The following KCNMA1 variants were observed in gnomAD, a reference collection of about 807,000 sequenced individuals.
KCNMA1 encodes the protein Calcium-activated potassium channel subunit alpha-1.
A neutral mutation model predicts 140.0 loss-of-function variants in KCNMA1; 29 were observed. That is an observed-to-expected ratio of 0.21 (90% CI 0.15 to 0.28). KCNMA1 has a LOEUF of 0.28. Ranked by LOEUF, KCNMA1 falls within the 10% of genes least tolerant of loss-of-function variation. The pLI, the probability that KCNMA1 is intolerant of heterozygous loss-of-function variation, is 1.00. For synonymous variants in KCNMA1, 612 were observed against 611.9 expected (o/e 1.00, Z 0.00); for missense variants, 880 against 1,602.2 (o/e 0.55, Z 7.70).
chr10:77,511,429 T>C (rs1459489877), intron 1 of KCNMA1, among the ~76,000 whole-genome samples: 1 of 152,220 alleles, frequency 6.6e-6, no homozygotes, highest in Admixed American at 6.5e-5. Context: ...TTCATAGTAG[T>C]TAAGAAAATG....
chr10:77,482,255 G>A (rs891501467), intron 1 of KCNMA1, among the ~76,000 whole-genome samples: 1 of 152,262 alleles, frequency 6.6e-6, no homozygotes, highest in Non-Finnish European at 1.5e-5. Context: ...GCTCCACAGG[G>A]CTCTGCTCAG....
intron 1 of KCNMA1, among the ~76,000 whole-genome samples, chr10:77,568,512 A>G (rs1245793035): frequency 6.6e-6 from 1 of 152,050 alleles, no homozygotes; most frequent in Non-Finnish European, 1.5e-5. Flanking sequence ...GATGCAGAAA[A>G]GGCCTTTGAC....
intron 1 of KCNMA1, among the ~76,000 whole-genome samples, chr10:77,561,630 CA>C (rs1460653702): frequency 1.3e-5 from 2 of 152,084 alleles, no homozygotes; most frequent in Non-Finnish European, 2.9e-5. Context: ...CCACGTACAC[CA>C]GAGGGATGGA....
At chr10:76,936,844 C>T (rs111988919) in intron 23 of KCNMA1, among the ~76,000 whole-genome samples, 4 of 152,218 alleles carry the variant, frequency 2.6e-5, no homozygotes, top group Admixed American at 6.5e-5. Context: ...ACCCCAATGC[C>T]GTCCGCTCCC....
At chr10:77,113,577 C>T (rs2097375824) in intron 6 of KCNMA1, among the ~76,000 whole-genome samples, 1 of 152,186 alleles carries the variant, frequency 6.6e-6, no homozygotes, top group South Asian at 2.1e-4. Flanking sequence ...AATTCTCCTG[C>T]CTTAGCCTCC....
At chr10:77,285,067 T>C (rs1468753977) in intron 2 of KCNMA1, among the ~76,000 whole-genome samples, 1 of 152,230 alleles carries the variant, frequency 6.6e-6, no homozygotes, top group Admixed American at 6.5e-5. Flanking sequence ...TAAAATGAGT[T>C]AATTATGTTC....
intron 3 of KCNMA1, among the ~76,000 whole-genome samples, chr10:77,242,024 G>T (rs903293279): frequency 1.3e-5 from 2 of 152,104 alleles, no homozygotes; most frequent in African/African-American, 4.8e-5. Flanking sequence ...ACTGTGGCCT[G>T]TTTGCGAGCA....
intron 1 of KCNMA1, among the ~76,000 whole-genome samples, chr10:77,566,292 C>G (rs1485465373): frequency 1.3e-5 from 2 of 152,354 alleles, no homozygotes; most frequent in East Asian, 3.9e-4. Flanking sequence ...GGCTTCTGAT[C>G]TCCCTGGTCT....
intron 2 of KCNMA1, among the ~76,000 whole-genome samples, chr10:77,337,734 T>C (rs1226477527): frequency 6.6e-6 from 1 of 152,234 alleles, no homozygotes; most frequent in Non-Finnish European, 1.5e-5. Flanking sequence ...CTTCACATCC[T>C]AGGCATGCAG....
intron 2 of KCNMA1, among the ~76,000 whole-genome samples, chr10:77,383,047 A>G (rs2095483392): frequency 7.5e-6 from 1 of 133,612 alleles, no homozygotes; most frequent in African/African-American, 2.9e-5. Flanking sequence ...GGAGGAAAGA[A>G]GTTTTCAGAT....
intron 2 of KCNMA1, among the ~76,000 whole-genome samples, chr10:77,306,901 A>T (rs2077900522): frequency 6.6e-6 from 1 of 152,218 alleles, no homozygotes; most frequent in South Asian, 2.1e-4. Flanking sequence ...ACCTACTGGC[A>T]CTTGCAAATG....
chr10:76,892,477 G>T (rs2040577432), intron 25 of KCNMA1, among the ~76,000 whole-genome samples: 1 of 152,180 alleles, frequency 6.6e-6, no homozygotes, highest in African/African-American at 2.4e-5. Context: ...AGCTTTAAAA[G>T]GTATTTGTCA....
At chr10:77,495,820 CA>C (rs2154543484) in intron 1 of KCNMA1, among the ~76,000 whole-genome samples, 3 of 152,276 alleles carry the variant, frequency 2.0e-5, no homozygotes, top group Non-Finnish European at 4.4e-5. Context: ...AAGAGACCCC[CA>C]CACCAGGGAC....
intron 18 of KCNMA1, among the ~76,000 whole-genome samples, chr10:77,002,532 TAGA>T (rs1372248012): frequency 6.6e-6 from 1 of 152,148 alleles, no homozygotes; most frequent in Non-Finnish European, 1.5e-5. Flanking sequence ...AAACATGAAA[TAGA>T]AGAATAGGTT....
intron 4 of KCNMA1, 38 bp from the exon 5 acceptor site, chr10:77,183,570 A>C: frequency 7.1e-7 from 1 of 1,402,594 alleles, no homozygotes. Flanking sequence ...AAAAAACATG[A>C]GAAGCATGGT....
chr10:77,619,761 C>T (rs554268523), intron 1 of KCNMA1, among the ~76,000 whole-genome samples: 1 of 152,156 alleles, frequency 6.6e-6, no homozygotes, highest in African/African-American at 2.4e-5. Context: ...CAGCATCAGA[C>T]GGCTGCTCCC....
chr10:77,386,770 T>C (rs1202972613), intron 2 of KCNMA1, among the ~76,000 whole-genome samples: 1 of 152,220 alleles, frequency 6.6e-6, no homozygotes, highest in Non-Finnish European at 1.5e-5. Flanking sequence ...CCCACTGCAA[T>C]TCTGGCAGGC....
At chr10:77,287,497 G>C (rs1432167378) in intron 2 of KCNMA1, among the ~76,000 whole-genome samples, 2 of 152,202 alleles carry the variant, frequency 1.3e-5, no homozygotes, top group Non-Finnish European at 2.9e-5. Context: ...GCCAATTTGG[G>C]ATCCTAAATT....
chr10:77,561,184 A>T (rs144338455), intron 1 of KCNMA1, among the ~76,000 whole-genome samples: 64 of 151,870 alleles, frequency 4.2e-4, no homozygotes, highest in African/African-American at 1.5e-3. Flanking sequence ...CCTGAAAACT[A>T]TTTGTCAAGC....
Sources: gnomAD v4.1 joint callset for allele counts (sites outside exome capture counted in the v4.1 genomes callset) on GRCh38, gnomAD v4.1.1 for gene constraint, MANE v1.5 for transcripts, NCBI Gene and HGNC (gene_info 2026-07-23, HGNC 2026-07-21) for gene names.